TM9SF4: variants seen among roughly 807,000 people sequenced by gnomAD.
TM9SF4 encodes dinucleotide oxidase disulfide thiol exchanger 3 superfamily member 4.
TM9SF4 carries 26 observed loss-of-function variants against 90.4 expected under a neutral mutation model. The ratio of observed to expected loss-of-function variants is 0.29; its 90% CI spans 0.21 to 0.40. The LOEUF is 0.40. Ranked by LOEUF, TM9SF4 falls within the 10% of genes least tolerant of loss-of-function variation. TM9SF4 has a pLI of 1.00. For missense variants in TM9SF4, 549 were observed against 834.8 expected, an observed-to-expected ratio of 0.66 and a Z score of 4.22; for synonymous variants, 293 against 315.4, an observed-to-expected ratio of 0.93 and a Z score of 0.75.
Position 32,109,742 on chromosome 20 carries a change from T to TGGCGAC in TM9SF4, c.8_13dup (p.Thr3_Ala4dup). ...ATTACGGCGACACGTGGATCCAAGA[T>TGGCGAC]GGCGACGGCGATGGTGAGTGAAGGA... On this transcript the variant is annotated inframe_insertion, in exon 1 of 18. Coordinates refer to ENST00000398022, the MANE Select transcript of TM9SF4 (RefSeq NM_014742.4). 1.9e-6 allele frequency: 3 copies of TGGCGAC among 1,551,562 alleles called. No individual in the cohort carries two copies. The highest frequency in any genetic ancestry group is 2.0e-5 in the Admixed American group (1 of 51,008).
intron 1 of TM9SF4, among the ~76,000 whole-genome samples, chr20:32,120,047 G>A (rs2046281901): frequency 6.6e-6 from 1 of 152,080 alleles, no homozygotes; most frequent in South Asian, 2.1e-4. Context: ...TCTTGATATT[G>A]TAGCTTTATA....
intron 1 of TM9SF4, among the ~76,000 whole-genome samples, chr20:32,115,806 G>GTTTTTTTTTTTTTTTTTTTTTTTTTT (rs1243268586): frequency 9.4e-6 from 1 of 106,306 alleles, no homozygotes; most frequent in African/African-American, 3.7e-5. Flanking sequence ...ACCACTTTAA[G>GTTTTTTTTTTTTTTTTTTTTTTTTTT]CTTTTTTTTT....
chr20:32,143,499 C>G (rs1484248359), intron 6 of TM9SF4, among the ~76,000 whole-genome samples: 4 of 152,192 alleles, frequency 2.6e-5, no homozygotes, highest in Non-Finnish European at 5.9e-5. Flanking sequence ...CAGACAAAGC[C>G]TGTAGGCAGC....
chr20:32,140,376 G>A (rs1289462726), intron 3 of TM9SF4, among the ~76,000 whole-genome samples: 1 of 152,150 alleles, frequency 6.6e-6, no homozygotes, highest in Non-Finnish European at 1.5e-5. Context: ...AAAATCTCAG[G>A]TGCTGGATTT....
At chr20:32,126,068 A>ACACACACACAC (rs2046415805) in intron 1 of TM9SF4, among the ~76,000 whole-genome samples, 2 of 138,594 alleles carry the variant, frequency 1.4e-5, no homozygotes, top group African/African-American at 2.9e-5. Context: ...CTTTCCCGTA[A>ACACACACACAC]ACACACACAC....
intron 1 of TM9SF4, chr20:32,116,751 G>T (rs2046229201): frequency 6.6e-6 from 1 of 151,508 alleles, no homozygotes; most frequent in African/African-American, 2.4e-5. Flanking sequence ...TTCACATGCG[G>T]CTGGATTCTT....
At chr20:32,124,165 G>A (rs2046384981) in intron 1 of TM9SF4, among the ~76,000 whole-genome samples, 1 of 152,036 alleles carries the variant, frequency 6.6e-6, no homozygotes, top group Non-Finnish European at 1.5e-5. Flanking sequence ...GCCTGGGTAG[G>A]TCTACATTTT....
intron 12 of TM9SF4, among the ~76,000 whole-genome samples, chr20:32,152,875 G>A (rs536427264): frequency 6.6e-6 from 1 of 152,354 alleles, no homozygotes; most frequent in African/African-American, 2.4e-5. Flanking sequence ...CAGGTGTGTT[G>A]TTCTCTACAT....
chr20:32,121,669 C>A (rs1260936619), intron 1 of TM9SF4, among the ~76,000 whole-genome samples: 2 of 152,248 alleles, frequency 1.3e-5, no homozygotes, highest in Non-Finnish European at 2.9e-5. Context: ...CCTCTCCATT[C>A]CACAAAGCCG....
At chr20:32,127,295 G>A (rs1178114703) in intron 1 of TM9SF4, among the ~76,000 whole-genome samples, 3 of 152,104 alleles carry the variant, frequency 2.0e-5, no homozygotes, top group African/African-American at 2.4e-5. Flanking sequence ...GAACATCATC[G>A]TTACAGTCTC....
chr20:32,140,356 G>A (rs146332639), intron 3 of TM9SF4, among the ~76,000 whole-genome samples: 141 of 152,222 alleles, frequency 9.3e-4, no homozygotes, highest in Middle Eastern at 3.4e-3. Flanking sequence ...GTCAAAAGAC[G>A]TTTTGCCTGA....
intron 1 of TM9SF4, among the ~76,000 whole-genome samples, chr20:32,122,263 C>G (rs1047093180): frequency 7.4e-6 from 1 of 135,008 alleles, no homozygotes; most frequent in African/African-American, 3.3e-5. Context: ...GGCTGACCCC[C>G]CACCTCCCTC....
intron 3 of TM9SF4, among the ~76,000 whole-genome samples, chr20:32,137,342 T>C (rs1177294935): frequency 2.6e-5 from 4 of 152,218 alleles, no homozygotes; most frequent in Non-Finnish European, 5.9e-5. Context: ...TCCCTTCTCC[T>C]GGGAGCTGCT....
At chr20:32,116,862 C>CTTTTTTT (rs201365030) in intron 1 of TM9SF4, among the ~76,000 whole-genome samples, 2,807 of 95,954 alleles carry the variant, frequency 0.029, 6 homozygotes, top group Middle Eastern at 0.08. Context: ...TTTCCTTTTT[C>CTTTTTTT]TTTTTTTTTT....
intron 3 of TM9SF4, among the ~76,000 whole-genome samples, chr20:32,141,083 G>A (rs1372051842): frequency 1.3e-5 from 2 of 151,886 alleles, no homozygotes; most frequent in Admixed American, 1.3e-4. Flanking sequence ...CGGGCGTGGT[G>A]GCATGCACCT....
intron 3 of TM9SF4, among the ~76,000 whole-genome samples, 179 bp from the exon 4 acceptor site, chr20:32,141,318 G>A (rs950747460): frequency 1.3e-5 from 2 of 151,820 alleles, no homozygotes; most frequent in African/African-American, 2.4e-5. Context: ...GTGGCAGGTC[G>A]AGGTTAGCTG....
chr20:32,133,723 T>C (rs2046554118), intron 2 of TM9SF4, among the ~76,000 whole-genome samples: 1 of 152,186 alleles, frequency 6.6e-6, no homozygotes, highest in African/African-American at 2.4e-5. Context: ...CCTATTCATT[T>C]TACAGATGGG....
chr20:32,116,214 A>G (rs1013888654), intron 1 of TM9SF4: 1 of 139,156 alleles, frequency 7.2e-6, no homozygotes, highest in Non-Finnish European at 1.5e-5. Flanking sequence ...GAACTTTTTC[A>G]TCATCTCATT....
At position 32,163,245 on chromosome 20, in the gene TM9SF4, CAAAAAA is replaced by C. The variant is rs67827616; in HGVS notation, c.1779+1899_1779+1904del. On this transcript the variant is annotated intron_variant, in intron 17 of 17. Coordinates refer to ENST00000398022, the MANE Select transcript of TM9SF4 (RefSeq NM_014742.4). ...TGGGTGACAGAGCAAGACTCCATCTCAAAAAAAAAAAAAAAAAAAAAAAATATATAT... is the reference window on the plus strand; with the variant it reads ...TGGGTGACAGAGCAAGACTCCATCTCAAAAAAAAAAAAAAAAAATATATAT... Among the ~76,000 whole-genome samples the C allele has an allele frequency of 8.2e-3, 336 of 40,764 alleles. 1 individual carries two copies. Among genetic ancestry groups the C allele is most frequent in the Admixed American group, 0.046 (121 of 2,650 alleles). The allele number at this position is 40,764 out of a possible 152,430, so 26.7% of individuals were successfully genotyped here.
Sources: gnomAD v4.1 joint callset for allele counts (sites outside exome capture counted in the v4.1 genomes callset) on GRCh38, gnomAD v4.1.1 for gene constraint, MANE v1.5 for transcripts, NCBI Gene and HGNC (gene_info 2026-07-23, HGNC 2026-07-21) for gene names.